The following ADGRL2 variants were observed in gnomAD, a reference collection of about 807,000 sequenced individuals.
ADGRL2 encodes the protein calcium-independent alpha-latrotoxin receptor 2.
Under a neutral mutation model 157.4 loss-of-function variants are expected in ADGRL2, and 44 were observed. That is an observed-to-expected ratio of 0.28 (90% CI 0.22 to 0.36). The LOEUF is 0.36. Ranked by LOEUF, ADGRL2 falls within the 10% of genes least tolerant of loss-of-function variation. ADGRL2 has a pLI of 1.00. For synonymous variants in ADGRL2, 585 were observed against 624.7 expected (o/e 0.94, Z 0.95); for missense variants, 1,510 against 1,768.9 (o/e 0.85, Z 2.63).
intron 1 of ADGRL2, among the ~76,000 whole-genome samples, chr1:81,334,473 C>T (rs1180379593): frequency 6.6e-6 from 1 of 152,120 alleles, no homozygotes; most frequent in Admixed American, 6.5e-5. Flanking sequence ...TGTGTTGCAA[C>T]TTTCCCAAAT....
chr1:81,988,530 G>A (rs1459772242), intron 23 of ADGRL2: 1 of 151,840 alleles, frequency 6.6e-6, no homozygotes, highest in African/African-American at 2.4e-5. Flanking sequence ...CTAGAGAATT[G>A]TGTCTACCAA....
intron 2 of ADGRL2, among the ~76,000 whole-genome samples, chr1:81,864,744 C>T (rs923459166): frequency 9.9e-5 from 15 of 151,900 alleles, no homozygotes; most frequent in East Asian, 1.9e-4. Flanking sequence ...GGCGGATAAC[C>T]GGAGATCAGA....
At chr1:81,642,643 C>A (rs1264976233) in intron 3 of ADGRL2, among the ~76,000 whole-genome samples, 1 of 152,050 alleles carries the variant, frequency 6.6e-6, no homozygotes, top group Admixed American at 6.6e-5. Context: ...AAATTACAGA[C>A]AAATCTCTCA....
chr1:81,515,731 T>A (rs2079163508), intron 2 of ADGRL2, among the ~76,000 whole-genome samples: 1 of 152,212 alleles, frequency 6.6e-6, no homozygotes, highest in Non-Finnish European at 1.5e-5. Flanking sequence ...TTTACATTTA[T>A]CATATGTCCC....
chr1:81,609,286 C>T (rs1011588520), intron 3 of ADGRL2, among the ~76,000 whole-genome samples: 1 of 152,040 alleles, frequency 6.6e-6, no homozygotes, highest in Non-Finnish European at 1.5e-5. Context: ...GTGATCCACC[C>T]ATCTTGGCCT....
intron 3 of ADGRL2, among the ~76,000 whole-genome samples, chr1:81,918,038 AT>A: frequency 6.6e-6 from 1 of 152,112 alleles, no homozygotes; most frequent in Non-Finnish European, 1.5e-5. Context: ...ACTTCCCCTC[AT>A]TTATGGTGGC....
Position 81,800,945 on chromosome 1 carries a change from C to T in ADGRL2, c.-224C>T, listed in dbSNP as rs1160680569. Among the ~76,000 whole-genome samples, 18 of 149,112 alleles carry T rather than the reference C, an allele frequency of 1.2e-4. No individual in the cohort carries two copies. The East Asian group carries it at 3.0e-3, about 25-fold the overall frequency. On this transcript the variant is annotated 5_prime_UTR_variant, in exon 1 of 24. Transcript: ENST00000686636. ...GGGGCGCGTTCCACGGCCGTGCGCG[C>T]GCGTCCCTCGCCGCCACCGCCGCCC...
intron 2 of ADGRL2, among the ~76,000 whole-genome samples, chr1:81,872,871 G>T (rs538552424): frequency 1.7e-4 from 26 of 152,166 alleles, no homozygotes; most frequent in African/African-American, 6.0e-4. Context: ...TAAAAAGTTT[G>T]TTGTGTGCAA....
At chr1:81,746,591 G>A (rs1195404366) in intron 1 of ADGRL2, among the ~76,000 whole-genome samples, 3 of 152,008 alleles carry the variant, frequency 2.0e-5, no homozygotes, top group African/African-American at 7.3e-5. Context: ...ACGCCCAGCT[G>A]TAACAAATAT....
At chr1:81,604,021 T>C (rs571938031) in intron 3 of ADGRL2, among the ~76,000 whole-genome samples, 1 of 151,478 alleles carries the variant, frequency 6.6e-6, no homozygotes, top group African/African-American at 2.4e-5. Context: ...TGGAATGCAG[T>C]GGCATGATCT....
intron 1 of ADGRL2, among the ~76,000 whole-genome samples, chr1:81,344,595 G>A (rs891808426): frequency 6.0e-5 from 9 of 150,138 alleles, no homozygotes; most frequent in African/African-American, 2.2e-4. Context: ...GAACCCGGGA[G>A]GCAGAGGTTG....
At chr1:81,890,777 C>A (rs2094242361) in intron 2 of ADGRL2, among the ~76,000 whole-genome samples, 1 of 152,078 alleles carries the variant, frequency 6.6e-6, no homozygotes, top group African/African-American at 2.4e-5. Context: ...TCACCTAGGT[C>A]TACAGTCTGG....
intron 2 of ADGRL2, among the ~76,000 whole-genome samples, chr1:81,523,792 G>A (rs1374142064): frequency 1.3e-5 from 2 of 152,152 alleles, no homozygotes; most frequent in Non-Finnish European, 2.9e-5. Flanking sequence ...GGCCTGGTAC[G>A]GTGGCTTGTG....
chr1:81,707,675 C>T (rs2083783470), intron 1 of ADGRL2, among the ~76,000 whole-genome samples: 1 of 151,884 alleles, frequency 6.6e-6, no homozygotes, highest in Non-Finnish European at 1.5e-5. Context: ...TTGTTGCATC[C>T]ACATGTTGGA....
At chr1:81,367,385 A>G (rs1332236142) in intron 1 of ADGRL2, among the ~76,000 whole-genome samples, 1 of 152,010 alleles carries the variant, frequency 6.6e-6, no homozygotes, top group Non-Finnish European at 1.5e-5. Flanking sequence ...CTGACCCCCA[A>G]ATAGGCCCAG....
At chr1:81,923,744 A>G (rs920210011) in intron 3 of ADGRL2, among the ~76,000 whole-genome samples, 20 of 152,172 alleles carry the variant, frequency 1.3e-4, no homozygotes, top group African/African-American at 4.6e-4. Flanking sequence ...ACTTCTTGCC[A>G]TAAACAAGAC....
chr1:81,460,028 A>T (rs1046501513), intron 2 of ADGRL2, among the ~76,000 whole-genome samples: 6 of 151,952 alleles, frequency 3.9e-5, no homozygotes, highest in Non-Finnish European at 8.8e-5. Context: ...TTATTTTTGT[A>T]ATAAGCAGCC....
chr1:81,397,166 CTATT>C (rs1304004804), intron 1 of ADGRL2, among the ~76,000 whole-genome samples: 2 of 151,886 alleles, frequency 1.3e-5, no homozygotes, highest in Non-Finnish European at 2.9e-5. Context: ...GTCAGGTTTT[CTATT>C]TATTTTTGGT....
chr1:81,386,360 T>C (rs1322120466), intron 1 of ADGRL2, among the ~76,000 whole-genome samples: 1 of 152,166 alleles, frequency 6.6e-6, no homozygotes, highest in African/African-American at 2.4e-5. Flanking sequence ...TGAATTGGTT[T>C]TATTCGCTAG....
Sources: allele counts gnomAD v4.1 joint callset (sites outside exome capture counted in the v4.1 genomes callset), GRCh38; gene constraint gnomAD v4.1.1; transcripts MANE v1.5; gene names NCBI Gene and HGNC (gene_info 2026-07-23, HGNC 2026-07-21).